The following SYNE2 variants were observed in gnomAD, a reference collection of about 807,000 sequenced individuals.
SYNE2 encodes the protein spectrin repeat containing nuclear envelope protein 2.
Under a neutral mutation model 856.3 loss-of-function variants are expected in SYNE2, and 431 were observed. That is an observed-to-expected ratio of 0.50 (90% CI 0.47 to 0.55). SYNE2 has a LOEUF of 0.55. Ranked by LOEUF, SYNE2 falls within the 20% of genes least tolerant of loss-of-function variation. The probability of loss-of-function intolerance (pLI) is 0.00; values close to 1 mark genes in which losing one functional copy is unlikely to be tolerated. For missense variants in SYNE2, 8,129 were observed against 8,023.2 expected (o/e 1.01, Z -0.50); for synonymous variants, 2,923 against 2,872.3 (o/e 1.02, Z -0.56).
chr14:63,826,697 C>T lies in SYNE2; in HGVS notation c.-304-25804C>T, dbSNP rs1248182245. ...ATGAAATTGAATCTCACACCACTTA[C>T]AAAAATTAACCAAAAACAGATAATC... is the stretch of plus-strand genomic sequence containing the variant. On this transcript the variant is annotated intron_variant, in intron 1 of 23. Coordinates refer to the SYNE2 transcript ENST00000674003. 7.2e-5 allele frequency among the ~76,000 whole-genome samples: 11 copies of T among 152,124 alleles called. No homozygotes were observed. In the South Asian group the frequency reaches 2.1e-3, roughly 29 times the overall value.
At chr14:63,780,862 G>C (rs1226856511) in intron 1 of SYNE2, among the ~76,000 whole-genome samples, 1 of 152,186 alleles carries the variant, frequency 6.6e-6, no homozygotes, top group Non-Finnish European at 1.5e-5. Context: ...TCAGGACAGA[G>C]TTTGTGGATG....
intron 2 of SYNE2, among the ~76,000 whole-genome samples, chr14:63,927,765 G>A (rs957151703): frequency 1.2e-4 from 18 of 151,892 alleles, no homozygotes; most frequent in African/African-American, 1.9e-4. Context: ...GGGGTCGCGC[G>A]CCTGCAGTCC....
At position 64,098,833 on chromosome 14, in the gene SYNE2, G is replaced by T. The variant is rs748705747; in HGVS notation, c.12381+12G>T. The stretch of plus-strand genomic sequence containing the variant: ...CCGTGAAGAGCGATGTAAGGGAAAT[G>T]ATTTTCTTGTTAAAGTTTGTTAGAA... On this transcript the variant is annotated intron_variant, in intron 63 of 115. Transcript: ENST00000555002. The T allele has an allele frequency of 1.9e-6, 3 of 1,613,496 alleles. No individual in the cohort carries two copies. The South Asian group carries it at 3.3e-5, about 18-fold the overall frequency.
intron 8 of SYNE2, chr14:63,956,501 T>C (rs1297321329): frequency 2.2e-6 from 1 of 453,194 alleles, no homozygotes; most frequent in Non-Finnish European, 4.4e-6. Context: ...TCCAGCACAC[T>C]CACTGACCAG....
In SYNE2 at chr14:64,119,649, A is replaced by G. The variant is rs80030705; in HGVS notation, c.13023+40A>G. On this transcript the variant is annotated intron_variant, in intron 67 of 115. Coordinates refer to ENST00000555002, the MANE Select transcript of SYNE2 (RefSeq NM_182914.3). ...TCTATGGACATTCATCTTGATACAC[A>G]TATGTGGCAGACCTGCCAGAAGAGA... The G allele has an allele frequency of 6.5e-3, 10,424 of 1,604,862 alleles. 555 individuals are homozygous for G. The African/African-American group carries it at 0.12, about 19-fold the overall frequency.
chr14:63,883,505 A>T (rs553641714), intron 1 of SYNE2, among the ~76,000 whole-genome samples: 1 of 144,238 alleles, frequency 6.9e-6, no homozygotes, highest in East Asian at 2.0e-4. Flanking sequence ...GTGCACCTCC[A>T]CGCCTGGCTA....
chr14:64,183,954 G>A (rs1165395461), intron 96 of SYNE2, among the ~76,000 whole-genome samples: 2 of 137,410 alleles, frequency 1.5e-5, no homozygotes, highest in African/African-American at 5.5e-5. Context: ...TGGAAAGAAG[G>A]GAGAGGGAGG....
At chr14:64,185,513 CTTTTTCTTTTTTT>C (rs1159175681) in intron 96 of SYNE2, among the ~76,000 whole-genome samples, 1 of 115,956 alleles carries the variant, frequency 8.6e-6, no homozygotes. Flanking sequence ...TTTTCTTTTT[CTTTTTCTTTTTTT>C]TTTTTTTTTT....
intron 43 of SYNE2, 105 bp downstream of exon 43, chr14:64,027,898 A>G (rs1326679647): frequency 5.8e-6 from 5 of 867,730 alleles, no homozygotes; most frequent in East Asian, 5.5e-5. Flanking sequence ...GTTTTGTTTT[A>G]TTTTATTTTA....
chr14:63,939,475 G>A (rs1212005140), intron 2 of SYNE2, among the ~76,000 whole-genome samples: 2 of 150,410 alleles, frequency 1.3e-5, no homozygotes, highest in African/African-American at 4.9e-5. Flanking sequence ...AGCCTCCCAA[G>A]TAGCTGGGAC....
chr14:64,007,892 C>T (rs1291638230), intron 31 of SYNE2, among the ~76,000 whole-genome samples: 1 of 152,116 alleles, frequency 6.6e-6, no homozygotes, highest in Non-Finnish European at 1.5e-5. Context: ...TGCCTATAGT[C>T]CCAGCTACTC....
At chr14:64,076,166 C>A in intron 54 of SYNE2, 66 bp downstream of exon 54, 4 of 1,541,940 alleles carry the variant, frequency 2.6e-6, no homozygotes, top group Admixed American at 3.5e-5. Context: ...AGGAAAATAT[C>A]ATTTAATGTC....
At chr14:64,224,751 G>A (rs988909883) in intron 114 of SYNE2, among the ~76,000 whole-genome samples, 9 of 152,062 alleles carry the variant, frequency 5.9e-5, no homozygotes, top group Admixed American at 1.3e-4. Flanking sequence ...TTATAGTGTC[G>A]CTAAAGGGGT....
chr14:64,219,225 G>A lies in SYNE2; in HGVS notation c.19675G>A (p.Glu6559Lys), dbSNP rs763826275. 5 of 1,613,412 alleles carry A rather than the reference G, an allele frequency of 3.1e-6. No homozygotes were observed. In the South Asian group the frequency reaches 4.4e-5, roughly 14 times the overall value. Residue 6559 changes from glutamate (E) to lysine (K), a missense_variant, in exon 110 of 116, where the codon GAG becomes AAG. This residue lies in a region of SYNE2 where 5,410 missense variants were observed against 5,284.8 expected (regional missense o/e 1.02). Coordinates refer to ENST00000555002, the MANE Select transcript of SYNE2 (RefSeq NM_182914.3). ...AATTCCAGGTGCCTTCGACAGATGG[G>A]AGATGATTCAAGCACAGGAGCTTCA... ...EQQSGAFDRWEMIQAQELHNK... is the reference protein window; with the variant it reads ...EQQSGAFDRWKMIQAQELHNK...
intron 2 of SYNE2, among the ~76,000 whole-genome samples, chr14:63,935,615 G>A (rs895686646): frequency 1.3e-5 from 2 of 152,160 alleles, no homozygotes; most frequent in Admixed American, 6.5e-5. Flanking sequence ...GGAAAACAAT[G>A]TAGTAGAAGG....
chr14:63,853,782 G>T (rs963238948), intron 1 of SYNE2, among the ~76,000 whole-genome samples: 1 of 151,802 alleles, frequency 6.6e-6, no homozygotes, highest in African/African-American at 2.4e-5. Context: ...GCGCCTCCGC[G>T]GGGGCGGGGG....
chr14:64,065,306 G>T, intron 50 of SYNE2, 126 bp from the exon 51 acceptor site: 1 of 815,946 alleles, frequency 1.2e-6, no homozygotes, highest in Non-Finnish European at 2.0e-6. Flanking sequence ...AAAAGGATAA[G>T]AGGTGGATCA....
chr14:63,903,580 C>T (rs921175847), intron 1 of SYNE2, among the ~76,000 whole-genome samples: 2 of 152,298 alleles, frequency 1.3e-5, no homozygotes, highest in African/African-American at 4.8e-5. Flanking sequence ...CCTCCCACCT[C>T]AGACTCCTGG....
At chr14:63,926,689 T>C (rs1459359909) in intron 2 of SYNE2, among the ~76,000 whole-genome samples, 1 of 152,226 alleles carries the variant, frequency 6.6e-6, no homozygotes, top group Non-Finnish European at 1.5e-5. Flanking sequence ...ATGAAGTAGA[T>C]ACTATTGTCC....
Sources: gnomAD v4.1 joint callset for allele counts (sites outside exome capture counted in the v4.1 genomes callset) on GRCh38, gnomAD v4.1.1 for gene constraint, gnomAD v4.1.1 regional missense constraint, MANE v1.5 for transcripts, NCBI Gene and HGNC (gene_info 2026-07-23, HGNC 2026-07-21) for gene names.